Variants in NOS1AP observed in about 807,000 individuals in gnomAD.
NOS1AP encodes carboxyl-terminal PDZ ligand of neuronal nitric oxide synthase protein.
Under a neutral mutation model 56.2 loss-of-function variants are expected in NOS1AP, and 21 were observed. The ratio of observed to expected loss-of-function variants is 0.37; its 90% CI spans 0.26 to 0.54. The LOEUF (loss-of-function observed/expected upper bound fraction) is 0.54. Among genes scored for constraint, NOS1AP ranks in the 20% least tolerant of loss-of-function variants. The probability of loss-of-function intolerance (pLI) is 0.84; values close to 1 mark genes in which losing one functional copy is unlikely to be tolerated. For missense variants in NOS1AP, 522 were observed against 657.8 expected (o/e 0.79, Z 2.26); for synonymous variants, 270 against 274.6 (o/e 0.98, Z 0.17).
chr1:162,302,927 T>G (rs1047670264), intron 4 of NOS1AP, among the ~76,000 whole-genome samples: 2 of 152,224 alleles, frequency 1.3e-5, no homozygotes, highest in Non-Finnish European at 2.9e-5. Context: ...TCCTCTTTTT[T>G]GGGAGGAGCT....
intron 1 of NOS1AP, among the ~76,000 whole-genome samples, chr1:162,130,080 A>G (rs1648683296): frequency 6.6e-6 from 1 of 152,224 alleles, no homozygotes. Context: ...GCAATGTAGA[A>G]ATAGCAACTG....
chr1:162,071,153 C>T (rs1691652899), intron 1 of NOS1AP, among the ~76,000 whole-genome samples: 1 of 152,092 alleles, frequency 6.6e-6, no homozygotes, highest in African/African-American at 2.4e-5. Flanking sequence ...CAGTGTTCTG[C>T]TCTTCCTTCA....
intron 2 of NOS1AP, among the ~76,000 whole-genome samples, chr1:162,220,345 C>T (rs1020787291): frequency 2.6e-5 from 4 of 151,812 alleles, no homozygotes; most frequent in Admixed American, 6.6e-5. Flanking sequence ...GTGTGCTATG[C>T]GTGGGTCTCG....
intron 5 of NOS1AP, among the ~76,000 whole-genome samples, chr1:162,341,038 C>A (rs1194174101): frequency 6.6e-6 from 1 of 152,106 alleles, no homozygotes; most frequent in African/African-American, 2.4e-5. Context: ...CTGAGAAATA[C>A]AGGTCCTCTG....
intron 2 of NOS1AP, among the ~76,000 whole-genome samples, chr1:162,278,430 A>G (rs1370263685): frequency 1.3e-5 from 2 of 152,178 alleles, no homozygotes; most frequent in African/African-American, 4.8e-5. Flanking sequence ...CTTCATGCAA[A>G]TTGTTTAACC....
chr1:162,129,662 C>T (rs1474083430), intron 1 of NOS1AP, among the ~76,000 whole-genome samples: 1 of 152,176 alleles, frequency 6.6e-6, no homozygotes, highest in Non-Finnish European at 1.5e-5. Flanking sequence ...TATTAAACTG[C>T]TCTATCTCTT....
intron 4 of NOS1AP, among the ~76,000 whole-genome samples, chr1:162,314,985 C>G (rs539891670): frequency 6.6e-6 from 1 of 152,122 alleles, no homozygotes; most frequent in East Asian, 1.9e-4. Flanking sequence ...ATTTACCTTC[C>G]CAAGAGATAT....
intron 3 of NOS1AP, among the ~76,000 whole-genome samples, chr1:162,295,293 G>A (rs1218994457): frequency 6.6e-6 from 1 of 152,120 alleles, no homozygotes; most frequent in Non-Finnish European, 1.5e-5. Context: ...TAGCAAGACT[G>A]AAATTTCCCT....
At chr1:162,108,176 G>T (rs752904466) in intron 1 of NOS1AP, among the ~76,000 whole-genome samples, 9 of 152,146 alleles carry the variant, frequency 5.9e-5, no homozygotes, top group Admixed American at 3.3e-4. Flanking sequence ...TGAAACAATG[G>T]CTGCTTTCAG....
At chr1:162,228,019 A>G (rs187520456) in intron 2 of NOS1AP, among the ~76,000 whole-genome samples, 3 of 152,350 alleles carry the variant, frequency 2.0e-5, no homozygotes, top group African/African-American at 7.2e-5. Context: ...AAAAGATCCA[A>G]TTGGAAATAT....
intron 2 of NOS1AP, among the ~76,000 whole-genome samples, chr1:162,270,674 T>C: frequency 6.6e-6 from 1 of 152,216 alleles, no homozygotes. Context: ...CTCTTCAGGA[T>C]AGACAGTGAA....
chr1:162,342,083 C>G (rs1657127277), intron 5 of NOS1AP, among the ~76,000 whole-genome samples: 2 of 152,156 alleles, frequency 1.3e-5, no homozygotes, highest in Non-Finnish European at 2.9e-5. Flanking sequence ...CCTGTGGACA[C>G]AGGAGGAAAT....
intron 2 of NOS1AP, among the ~76,000 whole-genome samples, chr1:162,216,026 T>G (rs1652557254): frequency 6.6e-6 from 1 of 152,168 alleles, no homozygotes; most frequent in Non-Finnish European, 1.5e-5. Context: ...GGATGGCGAG[T>G]GGAGACCATG....
chr1:162,140,186 C>T (rs918424598), intron 1 of NOS1AP, among the ~76,000 whole-genome samples: 1 of 152,192 alleles, frequency 6.6e-6, no homozygotes, highest in Non-Finnish European at 1.5e-5. Flanking sequence ...AGACCTTTGC[C>T]TGCAGGCCCT....
intron 1 of NOS1AP, among the ~76,000 whole-genome samples, chr1:162,149,857 A>G (rs558764226): frequency 6.6e-6 from 1 of 152,298 alleles, no homozygotes; most frequent in South Asian, 2.1e-4. Context: ...GTGGGTACAT[A>G]ATAGGTGTAT....
intron 6 of NOS1AP, among the ~76,000 whole-genome samples, chr1:162,353,799 A>G (rs1160713198): frequency 6.6e-6 from 1 of 152,082 alleles, no homozygotes; most frequent in Non-Finnish European, 1.5e-5. Flanking sequence ...CCACCCACCT[A>G]CCGACCCTCC....
At chr1:162,255,644 C>T (rs1654006614) in intron 2 of NOS1AP, among the ~76,000 whole-genome samples, 1 of 151,746 alleles carries the variant, frequency 6.6e-6, no homozygotes, top group South Asian at 2.1e-4. Context: ...AAAATGAGAG[C>T]TGTAATCGAT....
intron 6 of NOS1AP, among the ~76,000 whole-genome samples, chr1:162,346,177 C>T (rs932931394): frequency 2.6e-5 from 4 of 152,134 alleles, no homozygotes; most frequent in Non-Finnish European, 4.4e-5. Context: ...CTTCAAATTC[C>T]CTTCTAAGAA....
At chr1:162,163,222 T>A (rs1165559397) in intron 2 of NOS1AP, among the ~76,000 whole-genome samples, 4 of 152,104 alleles carry the variant, frequency 2.6e-5, no homozygotes, top group Non-Finnish European at 4.4e-5. Flanking sequence ...GTTTGCCAAT[T>A]TTTTTTTCTT....
Sources: allele counts gnomAD v4.1 joint callset (sites outside exome capture counted in the v4.1 genomes callset), GRCh38; gene constraint gnomAD v4.1.1; transcripts MANE v1.5; gene names NCBI Gene and HGNC (gene_info 2026-07-23, HGNC 2026-07-21).